Variants in RIPOR2 observed in about 807,000 individuals in gnomAD.
The protein encoded by RIPOR2 is RHO family interacting cell polarization regulator 2.
Under a neutral mutation model 114.5 loss-of-function variants are expected in RIPOR2, and 39 were observed. The ratio of observed to expected loss-of-function variants is 0.34; its 90% CI spans 0.26 to 0.44. The LOEUF (loss-of-function observed/expected upper bound fraction) is 0.44. RIPOR2 is among the 20% of genes least tolerant of loss of function. The pLI is 1.00. For missense variants in RIPOR2, 1,007 were observed against 1,255.1 expected (o/e 0.80, Z 2.99); for synonymous variants, 445 against 484.4 (o/e 0.92, Z 1.07).
chr6:24,980,299 G>A (rs1335646264), intron 1 of RIPOR2, among the ~76,000 whole-genome samples: 1 of 152,186 alleles, frequency 6.6e-6, no homozygotes, highest in Non-Finnish European at 1.5e-5. Context: ...TTTATCTACT[G>A]AAGTGATATG....
intron 11 of RIPOR2, among the ~76,000 whole-genome samples, chr6:24,849,003 C>T (rs1046129308): frequency 1.3e-5 from 2 of 152,226 alleles, no homozygotes; most frequent in Admixed American, 6.5e-5. Context: ...CTCCCGGATT[C>T]AAGTGATTCT....
rs372127753 is a variant in RIPOR2 at position 25,001,382 on chromosome 6, T to C, written c.76+40469A>G. ...GCTCACGCGTGTAATCCCAGCACTTTGGGAGGCTGAGGTGAGCGGATCACG... is the reference window on the plus strand; with the variant it reads ...GCTCACGCGTGTAATCCCAGCACTTCGGGAGGCTGAGGTGAGCGGATCACG... On this transcript the variant is annotated intron_variant, in intron 1 of 13. Transcript: ENST00000510784. Among the ~76,000 whole-genome samples the C allele has an allele frequency of 2.0e-5, 3 of 152,016 alleles. No individual in the cohort carries two copies. In the East Asian group the frequency reaches 5.8e-4, roughly 30 times the overall value.
chr6:24,954,455 CCTTTTTTT>C (rs67219341), intron 1 of RIPOR2, among the ~76,000 whole-genome samples: 2,707 of 116,246 alleles, frequency 0.023, 121 homozygotes, highest in South Asian at 0.036. Context: ...GTCTCTCTCT[CCTTTTTTT>C]TTTTTTTTTT....
intron 1 of RIPOR2, among the ~76,000 whole-genome samples, chr6:24,987,764 G>A (rs1774597405): frequency 6.6e-6 from 1 of 152,144 alleles, no homozygotes; most frequent in African/African-American, 2.4e-5. Flanking sequence ...TATACCACAT[G>A]GGATAAATCA....
chr6:24,975,880 T>G (rs1352659564), intron 1 of RIPOR2, among the ~76,000 whole-genome samples: 3 of 152,082 alleles, frequency 2.0e-5, no homozygotes, highest in Admixed American at 2.0e-4. Flanking sequence ...TCAGTAAAGC[T>G]GGGAAAAAAC....
intron 1 of RIPOR2, among the ~76,000 whole-genome samples, chr6:24,912,703 T>C (rs1432109853): frequency 2.0e-5 from 3 of 152,152 alleles, no homozygotes; most frequent in Admixed American, 1.3e-4. Context: ...AATGGTCTCA[T>C]AGGACGAATC....
chr6:24,910,772 A>T, intron 1 of RIPOR2: 1 of 981,536 alleles, frequency 1.0e-6, no homozygotes, highest in Non-Finnish European at 1.2e-6. Context: ...ACCGCGTTGT[A>T]CGCAAAATCA....
In RIPOR2 at chr6:24,839,138, G is replaced by A. The variant is rs1483797644; in HGVS notation, c.1992C>T (p.Gly664=). The A allele has an allele frequency of 1.4e-5, 22 of 1,551,508 alleles. No homozygotes were observed. Among genetic ancestry groups the A allele is most frequent in the South Asian group, 2.4e-5 (2 of 84,046 alleles). Residue 664 remains glycine (G), a synonymous_variant, in exon 14 of 22, where the codon GGC becomes GGT. Transcript: ENST00000643898. The part of the protein sequence containing the change: ...EEDGDEVCNV[G]GGADSVFSDT... ...CTGAAAATACTGAGTCAGCACCTCCGCCAACATTACAAACCTCATCACCAT... is the reference window on the plus strand; with the variant it reads ...CTGAAAATACTGAGTCAGCACCTCCACCAACATTACAAACCTCATCACCAT...
At chr6:24,896,873 A>G (rs1767931309) in intron 1 of RIPOR2, among the ~76,000 whole-genome samples, 1 of 152,250 alleles carries the variant, frequency 6.6e-6, no homozygotes, top group African/African-American at 2.4e-5. Context: ...ACTGCACTCT[A>G]GCCTGGTGAC....
chr6:24,884,864 C>G (rs1171841947), intron 1 of RIPOR2, among the ~76,000 whole-genome samples: 1 of 152,076 alleles, frequency 6.6e-6, no homozygotes, highest in African/African-American at 2.4e-5. Context: ...AAGTGCTTTA[C>G]AAAAGGCAAA....
rs539880850 is a variant in RIPOR2, at chr6:25,011,677, A to C, written c.76+30174T>G. On this transcript the variant is annotated intron_variant, in intron 1 of 13. Transcript: ENST00000510784. The stretch of plus-strand genomic sequence containing the variant: ...CATAAGTAAAAGGAAGCAAGTTCTT[A>C]ACTACTAAAAATTGACTGCATGGCC... 2.0e-5 allele frequency among the ~76,000 whole-genome samples: 3 copies of C among 152,348 alleles called. No individual in the cohort carries two copies. The East Asian group carries it at 5.8e-4, about 29-fold the overall frequency.
At chr6:24,867,831 C>T (rs1316551792) in intron 6 of RIPOR2, among the ~76,000 whole-genome samples, 1 of 152,168 alleles carries the variant, frequency 6.6e-6, no homozygotes, top group Non-Finnish European at 1.5e-5. Context: ...TTAATTGAAT[C>T]ATTCAATTAC....
chr6:25,019,363 C>T (rs1009810069), intron 1 of RIPOR2, among the ~76,000 whole-genome samples: 1 of 152,030 alleles, frequency 6.6e-6, no homozygotes, highest in Non-Finnish European at 1.5e-5. Flanking sequence ...CCTTAAAAAA[C>T]GTATGCCCTT....
At chr6:24,973,462 T>C (rs1370546038) in intron 1 of RIPOR2, among the ~76,000 whole-genome samples, 1 of 151,794 alleles carries the variant, frequency 6.6e-6, no homozygotes, top group Non-Finnish European at 1.5e-5. Context: ...AAAAATTAGA[T>C]GGGTGTGGTG....
At chr6:24,993,923 T>A (rs974700607) in intron 1 of RIPOR2, among the ~76,000 whole-genome samples, 2 of 152,250 alleles carry the variant, frequency 1.3e-5, no homozygotes, top group Non-Finnish European at 2.9e-5. Flanking sequence ...TGATTTGGTA[T>A]CATTTTTAAA....
At chr6:24,827,028 C>A (rs189045740) in intron 18 of RIPOR2, among the ~76,000 whole-genome samples, 1 of 151,442 alleles carries the variant, frequency 6.6e-6, no homozygotes, top group Non-Finnish European at 1.5e-5. Flanking sequence ...TTCTTGGGGA[C>A]CGTGTAATAA....
intron 1 of RIPOR2, chr6:25,024,516 C>A: frequency 2.9e-6 from 2 of 685,804 alleles, no homozygotes; most frequent in East Asian, 3.1e-5. Flanking sequence ...GAGTTCCCAG[C>A]GTCTGGAATC....
chr6:24,872,758 C>A (rs555336597), intron 4 of RIPOR2, 123 bp downstream of exon 4: 7 of 611,720 alleles, frequency 1.1e-5, no homozygotes, highest in African/African-American at 1.8e-5. Context: ...CTGGGGGATG[C>A]AGATAGTACT....
intron 1 of RIPOR2, among the ~76,000 whole-genome samples, chr6:24,894,172 A>G (rs549032669): frequency 7.4e-4 from 113 of 152,342 alleles, no homozygotes; most frequent in Non-Finnish European, 1.2e-3. Flanking sequence ...ACTTCAAAGA[A>G]ACACCTTGAT....
Sources: gnomAD v4.1 joint callset for allele counts (sites outside exome capture counted in the v4.1 genomes callset) on GRCh38, gnomAD v4.1.1 for gene constraint, MANE v1.5 for transcripts, NCBI Gene and HGNC (gene_info 2026-07-23, HGNC 2026-07-21) for gene names.